The following SMARCA1 variants were observed in gnomAD, a reference collection of about 807,000 sequenced individuals.
SMARCA1 encodes SNF2 related chromatin remodeling ATPase 1.
In SMARCA1, 17 loss-of-function variants were observed where a neutral mutation model predicts 93.6. The observed-to-expected ratio is 0.18, with a 90% confidence interval of 0.12 to 0.27. The LOEUF is 0.27. Ranked by LOEUF, SMARCA1 falls within the 10% of genes least tolerant of loss-of-function variation. The pLI is 1.00. For missense variants in SMARCA1, 630 were observed against 819.0 expected, an observed-to-expected ratio of 0.77 and a Z score of 2.82; for synonymous variants, 271 against 271.4, an observed-to-expected ratio of 1.00 and a Z score of 0.01.
chrX:129,496,612 A>G (rs760326734), intron 12 of SMARCA1, 138 bp downstream of exon 12: 2 of 479,039 alleles, frequency 4.2e-6, no homozygotes, highest in Non-Finnish European at 7.0e-6. Context: ...TGAAGATTGA[A>G]GAGAGAAAGA....
chrX:129,462,942 A>G (rs1051674245), intron 23 of SMARCA1, among the ~76,000 whole-genome samples: 1 of 110,758 alleles, frequency 9.0e-6, no homozygotes, highest in African/African-American at 3.3e-5. Context: ...ATTATACTGG[A>G]TTTTTTTCTT....
At chrX:129,468,609 C>T (rs1169736216) in intron 21 of SMARCA1, among the ~76,000 whole-genome samples, 164 bp downstream of exon 21, 1 of 112,136 alleles carries the variant, frequency 8.9e-6, no homozygotes, top group Non-Finnish European at 1.9e-5. Flanking sequence ...AATCTTATAA[C>T]CTTTCTTATA....
chrX:129,466,801 T>C (rs969957554), intron 21 of SMARCA1, among the ~76,000 whole-genome samples: 4 of 107,777 alleles, frequency 3.7e-5, no homozygotes, highest in Non-Finnish European at 7.7e-5. Context: ...TGACCAGTAG[T>C]GTGTTTTTAA....
At chrX:129,501,981 T>C (rs1484242191) in intron 9 of SMARCA1, among the ~76,000 whole-genome samples, 1 of 112,017 alleles carries the variant, frequency 8.9e-6, no homozygotes, top group Non-Finnish European at 1.9e-5. Flanking sequence ...GTGGTACATG[T>C]GTAGAACTTA....
chrX:129,461,564 G>C (rs1282222858), intron 23 of SMARCA1, among the ~76,000 whole-genome samples: 1 of 111,748 alleles, frequency 8.9e-6, no homozygotes, highest in Non-Finnish European at 1.9e-5. Flanking sequence ...AAAAGGAGTG[G>C]CAAGAAAATT....
intron 6 of SMARCA1, among the ~76,000 whole-genome samples, chrX:129,508,774 G>C (rs1934917423): frequency 8.9e-6 from 1 of 112,558 alleles, no homozygotes; most frequent in African/African-American, 3.2e-5. Flanking sequence ...AACATGGTAG[G>C]TAAGTTGACT....
chrX:129,476,011 T>A (rs1409544098), intron 19 of SMARCA1, among the ~76,000 whole-genome samples: 1 of 112,608 alleles, frequency 8.9e-6, no homozygotes, highest in African/African-American at 3.2e-5. Context: ...GAATGTTCTA[T>A]AGCTTTCTTT....
intron 15 of SMARCA1, among the ~76,000 whole-genome samples, chrX:129,489,457 T>C (rs1260267849): frequency 3.5e-5 from 4 of 112,899 alleles, no homozygotes; most frequent in Non-Finnish European, 7.5e-5. Flanking sequence ...AGCATGCTAC[T>C]GACATTCAAG....
chrX:129,501,216 C>T (rs1934542098), intron 9 of SMARCA1, among the ~76,000 whole-genome samples: 1 of 111,884 alleles, frequency 8.9e-6, no homozygotes, highest in African/African-American at 3.2e-5. Flanking sequence ...TGTTGTGAGC[C>T]TAGGAAAGTT....
At chrX:129,496,949 C>T (rs1353887453) in intron 11 of SMARCA1, 78 bp from the exon 12 acceptor site, 10 of 926,030 alleles carry the variant, frequency 1.1e-5, no homozygotes, top group Non-Finnish European at 1.5e-5. Context: ...TAAACATATG[C>T]AACATAAATG....
At chrX:129,470,393 AAAT>A (rs200015779) in intron 20 of SMARCA1, among the ~76,000 whole-genome samples, 2,029 of 110,277 alleles carry the variant, frequency 0.018, 58 homozygotes, top group African/African-American at 0.061. Flanking sequence ...TGATCACCTT[AAAT>A]AATAATAATA....
intron 23 of SMARCA1, among the ~76,000 whole-genome samples, chrX:129,458,920 A>G (rs1932754251): frequency 8.9e-6 from 1 of 112,086 alleles, no homozygotes; most frequent in South Asian, 3.7e-4. Context: ...GTCTTCACCT[A>G]TACATTCTGC....
At chrX:129,480,860 G>C in intron 18 of SMARCA1, 46 bp from the exon 19 acceptor site, 2 of 788,245 alleles carry the variant, frequency 2.5e-6, no homozygotes, top group Non-Finnish European at 3.7e-6. Flanking sequence ...TTCAGTACAT[G>C]AAGTAAACTT....
At chrX:129,516,055 C>A in intron 3 of SMARCA1, 61 bp from the exon 4 acceptor site, 2 of 838,278 alleles carry the variant, frequency 2.4e-6, no homozygotes, top group Admixed American at 2.4e-5. Flanking sequence ...TCAATTAAAT[C>A]AGTGTACATG....
chrX:129,490,014 A>G, intron 15 of SMARCA1, 46 bp downstream of exon 15: 2 of 985,557 alleles, frequency 2.0e-6, no homozygotes, highest in Non-Finnish European at 2.8e-6. Flanking sequence ...AGAAAACTAC[A>G]TGTGTTTTAC....
chrX:129,490,781 G>T (rs1290955559), intron 14 of SMARCA1, among the ~76,000 whole-genome samples: 1 of 110,609 alleles, frequency 9.0e-6, no homozygotes, highest in Non-Finnish European at 1.9e-5. Flanking sequence ...AATAGGTAAA[G>T]GGAGGAGGGT....
intron 19 of SMARCA1, among the ~76,000 whole-genome samples, chrX:129,478,903 G>A (rs1337071660): frequency 2.7e-5 from 3 of 111,805 alleles, no homozygotes; most frequent in Admixed American, 1.9e-4. Context: ...AGCCCAGAAC[G>A]TCTGAGCGGA....
chrX:129,469,505 G>A (rs147937161), intron 20 of SMARCA1, among the ~76,000 whole-genome samples: 2,122 of 111,386 alleles, frequency 0.019, 46 homozygotes, highest in African/African-American at 0.065. Context: ...AATTCCCTTG[G>A]CATTATTAGC....
At chrX:129,514,404 T>C (rs1569449820) in intron 5 of SMARCA1, among the ~76,000 whole-genome samples, 1 of 112,792 alleles carries the variant, frequency 8.9e-6, no homozygotes, top group Non-Finnish European at 1.9e-5. Flanking sequence ...GTTATTTTAT[T>C]TACACATTTA....
Sources: gnomAD v4.1 joint callset for allele counts (sites outside exome capture counted in the v4.1 genomes callset) on GRCh38, gnomAD v4.1.1 for gene constraint, MANE v1.5 for transcripts, NCBI Gene and HGNC (gene_info 2026-07-23, HGNC 2026-07-21) for gene names.